Variants in FOCAD observed in about 807,000 individuals in gnomAD.
FOCAD encodes the protein KIAA1797.
A neutral mutation model predicts 225.6 loss-of-function variants in FOCAD; 198 were observed. The observed-to-expected ratio is 0.88, with a 90% CI of 0.78 to 0.99. FOCAD has a LOEUF of 0.99. FOCAD is among the 50% of genes least tolerant of loss of function. FOCAD has a pLI of 0.00. For synonymous variants in FOCAD, 897 were observed against 755.0 expected, an observed-to-expected ratio of 1.19 and a Z score of -3.08; for missense variants, 2,713 against 2,123.6, an observed-to-expected ratio of 1.28 and a Z score of -5.46.
At chr9:20,755,729 C>G (rs1440117248) in intron 5 of FOCAD, among the ~76,000 whole-genome samples, 1 of 152,112 alleles carries the variant, frequency 6.6e-6, no homozygotes, top group Admixed American at 6.6e-5. Context: ...CGATATGGTT[C>G]TTATCAGAAG....
intron 21 of FOCAD, among the ~76,000 whole-genome samples, chr9:20,889,492 A>G (rs758221282): frequency 1.3e-5 from 2 of 152,142 alleles, no homozygotes; most frequent in Non-Finnish European, 2.9e-5. Flanking sequence ...ATTTGTTGAA[A>G]ATACCATCTT....
intron 11 of FOCAD, among the ~76,000 whole-genome samples, chr9:20,816,004 G>A (rs898968556): frequency 2.6e-5 from 4 of 151,972 alleles, no homozygotes; most frequent in Admixed American, 6.6e-5. Context: ...CTGAATTTGG[G>A]CTATTATGCC....
intron 35 of FOCAD, among the ~76,000 whole-genome samples, chr9:20,953,896 C>CA (rs1232999807): frequency 6.6e-6 from 1 of 152,024 alleles, no homozygotes; most frequent in African/African-American, 2.4e-5. Flanking sequence ...AAAAAATAAA[C>CA]AAAAAAACTG....
Position 20,929,550 on chromosome 9 carries a change from C to A in FOCAD, c.3271C>A (p.Leu1091Ile). The part of the protein sequence containing the change: ...ESQAVQIHMG[L>I]ALGMFLSRLC... ...TCAAGCCGTGCAAATCCACATGGGC[C>A]TTGCTTTAGGGATGTTTCTCTCTCG... The change falls in exon 27 of 44, where the codon CTT becomes ATT. Residue 1091 changes from leucine to isoleucine, a missense_variant. Transcript: ENST00000338382. 1 of 1,614,126 alleles carries A rather than the reference C, an allele frequency of 6.2e-7. No individual in the cohort carries two copies. Among genetic ancestry groups the A allele is most frequent in the Non-Finnish European group, 8.5e-7 (1 of 1,180,006 alleles).
At chr9:20,825,592 T>C (rs559137212) in intron 15 of FOCAD, among the ~76,000 whole-genome samples, 1 of 152,262 alleles carries the variant, frequency 6.6e-6, no homozygotes, top group South Asian at 2.1e-4. Flanking sequence ...ACTCTATCTT[T>C]AAGAAAATAC....
chr9:20,779,350 C>G (rs978135733), intron 9 of FOCAD, among the ~76,000 whole-genome samples: 1 of 152,212 alleles, frequency 6.6e-6, no homozygotes, highest in Middle Eastern at 3.2e-3. Flanking sequence ...TGCTGCCTCA[C>G]TTTACTTGGT....
At chr9:20,930,701 A>T (rs933135308) in intron 27 of FOCAD, among the ~76,000 whole-genome samples, 9 of 152,186 alleles carry the variant, frequency 5.9e-5, no homozygotes, top group Non-Finnish European at 8.8e-5. Flanking sequence ...CATCTGTCAG[A>T]TGATTGGGAT....
At chr9:20,677,388 A>G (rs1049312884) in intron 2 of FOCAD, among the ~76,000 whole-genome samples, 1 of 152,234 alleles carries the variant, frequency 6.6e-6, no homozygotes, top group Non-Finnish European at 1.5e-5. Context: ...CATCAAACCA[A>G]AAAGCTTTTG....
chr9:20,888,331 G>A (rs373843410), intron 21 of FOCAD, among the ~76,000 whole-genome samples: 1 of 151,700 alleles, frequency 6.6e-6, no homozygotes, highest in Non-Finnish European at 1.5e-5. Flanking sequence ...TAGAGACGGG[G>A]TTTCACCATG....
chr9:20,938,906 G>T (rs1050510463), intron 28 of FOCAD, among the ~76,000 whole-genome samples: 2 of 150,900 alleles, frequency 1.3e-5, no homozygotes, highest in Non-Finnish European at 2.9e-5. Context: ...CCACTGAACT[G>T]TACCCTTAAA....
At chr9:20,665,390 T>C (rs769081878) in intron 2 of FOCAD, among the ~76,000 whole-genome samples, 1 of 152,180 alleles carries the variant, frequency 6.6e-6, no homozygotes, top group African/African-American at 2.4e-5. Context: ...CAACTCTTTA[T>C]CTTTTGTAAC....
At position 20,910,771 on chromosome 9, in the gene FOCAD, C is replaced by T. The variant is rs143795778; in HGVS notation, c.2719-2095C>T. On this transcript the variant is annotated intron_variant, in intron 22 of 43. Transcript: ENST00000338382. Reference sequence around the variant, plus strand: ...TACCAGTAAGTCAAGAATTGGAAGGCGCCATGGATCTGAGTAAATAGCCCA... The same window carrying T: ...TACCAGTAAGTCAAGAATTGGAAGGTGCCATGGATCTGAGTAAATAGCCCA... Among the ~76,000 whole-genome samples the T allele has an allele frequency of 2.5e-3, 381 of 152,040 alleles. 1 individual carries two copies. Among genetic ancestry groups the T allele is most frequent in the Non-Finnish European group, 2.7e-3 (184 of 67,954 alleles).
chr9:20,889,729 C>G (rs1009229121), intron 21 of FOCAD, among the ~76,000 whole-genome samples: 1 of 152,162 alleles, frequency 6.6e-6, no homozygotes. Context: ...TGCTAGATCT[C>G]TTGCTTTTCT....
In FOCAD at chr9:20,866,917, T is replaced by TTTTTTTTAAAA; in HGVS notation, c.2107-12_2107-11insTTTTTTTAAAA. ...TTTTTTTTTTTTTTTTTTTTTTTTT[T>TTTTTTTTAAAA]ACCCTATCTAGGACCCAATTGTAGC... On this transcript the variant is annotated splice_polypyrimidine_tract_variant and intron_variant, in intron 17 of 43. Transcript: ENST00000338382. 1 of 764,972 alleles carries TTTTTTTTAAAA rather than the reference T, an allele frequency of 1.3e-6. No homozygotes were observed. The highest frequency in any genetic ancestry group is 2.0e-5 in the African/African-American group (1 of 48,872). 47.4% of individuals were successfully genotyped at this position (764,972 alleles called of 1,614,324 possible). A position where few individuals can be genotyped will look rare whatever the true frequency, so the allele number is the denominator to read the frequency against.
chr9:20,934,200 G>C (rs1459366507), intron 28 of FOCAD, among the ~76,000 whole-genome samples: 1 of 152,120 alleles, frequency 6.6e-6, no homozygotes, highest in Non-Finnish European at 1.5e-5. Flanking sequence ...CCATGCAAAA[G>C]CTCTTTCGTT....
chr9:20,871,141 T>C (rs1829727524), intron 18 of FOCAD, among the ~76,000 whole-genome samples: 1 of 151,898 alleles, frequency 6.6e-6, no homozygotes, highest in East Asian at 1.9e-4. Flanking sequence ...GAGGTGGAGG[T>C]TGCAGTGAGC....
chr9:20,863,550 AG>A, intron 16 of FOCAD: 1 of 152,128 alleles, frequency 6.6e-6, no homozygotes, highest in Non-Finnish European at 1.5e-5. Flanking sequence ...ATCTATATGT[AG>A]TAAGTAGTTG....
chr9:20,919,238 C>T (rs1356143406), intron 24 of FOCAD, among the ~76,000 whole-genome samples: 1 of 152,132 alleles, frequency 6.6e-6, no homozygotes, highest in African/African-American at 2.4e-5. Flanking sequence ...AATAAAATAC[C>T]TAGGAATCCA....
intron 23 of FOCAD, among the ~76,000 whole-genome samples, chr9:20,915,056 G>C (rs1833759107): frequency 6.6e-6 from 1 of 152,160 alleles, no homozygotes; most frequent in African/African-American, 2.4e-5. Context: ...TTTAAGACAA[G>C]GAAGACTAGA....
Sources: gnomAD v4.1 joint callset for allele counts (sites outside exome capture counted in the v4.1 genomes callset) on GRCh38, gnomAD v4.1.1 for gene constraint, MANE v1.5 for transcripts, NCBI Gene and HGNC (gene_info 2026-07-23, HGNC 2026-07-21) for gene names.